Variants in NELL1 observed in about 807,000 individuals in gnomAD.
NELL1 encodes the protein neural EGFL like 1.
In NELL1, 76 loss-of-function variants were observed where a neutral mutation model predicts 107.4. That is an observed-to-expected ratio of 0.71 (90% confidence interval 0.59 to 0.86). NELL1 has a LOEUF of 0.86. Ranked by LOEUF, NELL1 falls within the 40% of genes least tolerant of loss-of-function variation. The pLI, the probability that NELL1 is intolerant of heterozygous loss-of-function variation, is 0.00. For missense variants in NELL1, 1,024 were observed against 1,005.5 expected (o/e 1.02, Z -0.25); for synonymous variants, 353 against 341.2 (o/e 1.03, Z -0.38).
intron 12 of NELL1, among the ~76,000 whole-genome samples, chr11:21,016,163 C>A (rs151123058): frequency 8.1e-4 from 123 of 152,078 alleles, no homozygotes; most frequent in African/African-American, 2.7e-3. Context: ...GTGTTAGGAC[C>A]GACAGGATCA....
intron 2 of NELL1, among the ~76,000 whole-genome samples, chr11:20,753,815 G>A (rs886777305): frequency 6.6e-6 from 1 of 152,152 alleles, no homozygotes; most frequent in African/African-American, 2.4e-5. Flanking sequence ...GTCCCCATAG[G>A]AGCAAAGTGG....
At chr11:21,567,174 C>A (rs987465770) in intron 17 of NELL1, among the ~76,000 whole-genome samples, 1 of 151,786 alleles carries the variant, frequency 6.6e-6, no homozygotes, top group Non-Finnish European at 1.5e-5. Context: ...TGATAGTGTG[C>A]CATTGGAAGC....
At chr11:20,764,790 C>T (rs1206675524) in intron 2 of NELL1, among the ~76,000 whole-genome samples, 4 of 151,840 alleles carry the variant, frequency 2.6e-5, no homozygotes, top group Admixed American at 6.6e-5. Context: ...AAGGAAACTA[C>T]ACGTGAGAGT....
intron 14 of NELL1, among the ~76,000 whole-genome samples, chr11:21,304,212 C>T (rs1212245781): frequency 6.6e-6 from 1 of 151,962 alleles, no homozygotes; most frequent in Non-Finnish European, 1.5e-5. Context: ...AAAGAAAAAC[C>T]ACCATGCCAT....
At chr11:21,421,863 ACC>A (rs1852681894) in intron 15 of NELL1, among the ~76,000 whole-genome samples, 1 of 152,170 alleles carries the variant, frequency 6.6e-6, no homozygotes, top group Non-Finnish European at 1.5e-5. Flanking sequence ...AACCGTCAAA[ACC>A]CCAAAACAAA....
intron 15 of NELL1, among the ~76,000 whole-genome samples, chr11:21,460,201 GA>G (rs142455711): frequency 7.8e-4 from 118 of 151,796 alleles, no homozygotes; most frequent in African/African-American, 2.8e-3. Context: ...AAAATGCACA[GA>G]AAAAAAATAA....
chr11:21,542,423 T>C (rs935264586), intron 16 of NELL1, among the ~76,000 whole-genome samples: 1 of 151,930 alleles, frequency 6.6e-6, no homozygotes, highest in African/African-American at 2.4e-5. Flanking sequence ...AAAGGGAGCA[T>C]GAGAGAAAAC....
intron 2 of NELL1, among the ~76,000 whole-genome samples, chr11:20,734,889 A>G (rs1855725279): frequency 6.6e-6 from 1 of 152,182 alleles, no homozygotes; most frequent in African/African-American, 2.4e-5. Context: ...ATTTGTTAGA[A>G]ATCCAATTTC....
At chr11:21,416,507 A>T (rs1852523827) in intron 15 of NELL1, among the ~76,000 whole-genome samples, 2 of 152,174 alleles carry the variant, frequency 1.3e-5, no homozygotes, top group Admixed American at 1.3e-4. Context: ...TTCGGTTGCA[A>T]ATATCTTTTC....
chr11:21,161,616 A>G (rs899447434), intron 13 of NELL1, among the ~76,000 whole-genome samples: 7 of 152,186 alleles, frequency 4.6e-5, no homozygotes, highest in African/African-American at 1.7e-4. Context: ...AGGACTGACC[A>G]AATATAATTA....
chr11:21,035,170 C>T (rs993398198), intron 12 of NELL1, among the ~76,000 whole-genome samples: 2 of 151,896 alleles, frequency 1.3e-5, no homozygotes, highest in African/African-American at 4.8e-5. Context: ...CCAAGACTGA[C>T]CCAGGAAGAA....
rs115627338 is a variant in NELL1, at chr11:21,387,341, T to A, written c.1645+16393T>A. Among the ~76,000 whole-genome samples, 953 of 151,944 alleles carry A rather than the reference T, an allele frequency of 6.3e-3. 13 individuals carry two copies. The highest frequency in any genetic ancestry group is 0.021 in the African/African-American group (868 of 41,516). ...CACTAAAAGTATCACTAATCTATCTTGTGTATTGTCTCTTCCTCCCACTTG... is the reference window on the plus strand; with the variant it reads ...CACTAAAAGTATCACTAATCTATCTAGTGTATTGTCTCTTCCTCCCACTTG... On this transcript the variant is annotated intron_variant, in intron 15 of 19. Transcript: ENST00000357134.
intron 15 of NELL1, among the ~76,000 whole-genome samples, chr11:21,528,995 T>C (rs1455669191): frequency 6.6e-6 from 1 of 151,970 alleles, no homozygotes; most frequent in African/African-American, 2.4e-5. Flanking sequence ...TCCCTGAATA[T>C]GGAAAAGGGT....
intron 14 of NELL1, among the ~76,000 whole-genome samples, chr11:21,265,185 A>C (rs1398595458): frequency 6.6e-6 from 1 of 151,972 alleles, no homozygotes; most frequent in Non-Finnish European, 1.5e-5. Flanking sequence ...GACTATAAAC[A>C]CCTCTATTTC....
chr11:20,987,832 T>C (rs2134252683), intron 12 of NELL1, among the ~76,000 whole-genome samples: 1 of 152,304 alleles, frequency 6.6e-6, no homozygotes, highest in Non-Finnish European at 1.5e-5. Context: ...TTAATATACA[T>C]AAAGGATTGA....
chr11:21,260,800 T>TA (rs1250169250), intron 14 of NELL1: 1 of 151,918 alleles, frequency 6.6e-6, no homozygotes, highest in Non-Finnish European at 1.5e-5. Flanking sequence ...TTACAAATAT[T>TA]AAAAAATTAG....
intron 9 of NELL1, among the ~76,000 whole-genome samples, chr11:20,931,168 T>C (rs1436107682): frequency 6.6e-6 from 1 of 151,802 alleles, no homozygotes; most frequent in Non-Finnish European, 1.5e-5. Context: ...GAACTGTAAG[T>C]GCACTAACAT....
chr11:20,830,389 C>A (rs1424718030), intron 3 of NELL1, among the ~76,000 whole-genome samples: 2 of 151,136 alleles, frequency 1.3e-5, no homozygotes, highest in African/African-American at 4.9e-5. Context: ...CTCAGTAATA[C>A]CTGGTCTTCT....
At chr11:21,202,062 C>T (rs543180626) in intron 13 of NELL1, among the ~76,000 whole-genome samples, 76 of 152,260 alleles carry the variant, frequency 5.0e-4, no homozygotes, top group South Asian at 1.2e-3. Context: ...CATTGATGTT[C>T]GTCAGAGATA....
Sources: gnomAD v4.1 joint callset for allele counts (sites outside exome capture counted in the v4.1 genomes callset) on GRCh38, gnomAD v4.1.1 for gene constraint, MANE v1.5 for transcripts, NCBI Gene and HGNC (gene_info 2026-07-23, HGNC 2026-07-21) for gene names.